The following RAPGEFL1 variants were observed in gnomAD, a reference collection of about 807,000 sequenced individuals.
RAPGEFL1 encodes the protein rap guanine nucleotide exchange factor-like 1.
A neutral mutation model predicts 64.4 loss-of-function variants in RAPGEFL1; 31 were observed. The observed-to-expected ratio is 0.48, with a 90% CI of 0.36 to 0.65. RAPGEFL1 has a LOEUF of 0.65. Among genes scored for constraint, RAPGEFL1 ranks in the 30% least tolerant of loss-of-function variants. The probability of loss-of-function intolerance (pLI) is 0.00; values close to 1 mark genes in which losing one functional copy is unlikely to be tolerated. For missense variants in RAPGEFL1, 682 were observed against 677.4 expected (o/e 1.01, Z -0.08); for synonymous variants, 331 against 274.1 (o/e 1.21, Z -2.05).
chr17:40,191,286 C>T lies in RAPGEFL1; in HGVS notation c.1336-30C>T, dbSNP rs1210074108. The T allele has an allele frequency of 6.6e-7, 1 of 1,526,660 alleles. No homozygotes were observed. The highest frequency in any genetic ancestry group is 2.1e-5 in the Admixed American group (1 of 47,330). 94.6% of individuals were successfully genotyped at this position (1,526,660 alleles called of 1,614,324 possible). On this transcript the variant is annotated intron_variant, in intron 8 of 14. Transcript: ENST00000620260. The surrounding 1 kb of genome is among the most constrained non-coding windows in gnomAD (Gnocchi z 5.1). ...CCCACTCCCCTCACCCCCTGGCGCCCTGGCCGCCCCTCCGCTGCCGTGGGT... is the reference window on the plus strand; with the variant it reads ...CCCACTCCCCTCACCCCCTGGCGCCTTGGCCGCCCCTCCGCTGCCGTGGGT...
In RAPGEFL1 at chr17:40,194,237, G is replaced by C. The variant is rs1258679354; in HGVS notation, c.*449G>C. Reference sequence around the variant, plus strand: ...CCCCAGGAATATTATGTTGCCGTGTGTGTGTGTGTGTGTGTGTGTGTGTGT... The same window carrying C: ...CCCCAGGAATATTATGTTGCCGTGTCTGTGTGTGTGTGTGTGTGTGTGTGT... On this transcript the variant is annotated 3_prime_UTR_variant, in exon 15 of 15. Coordinates refer to ENST00000620260, the MANE Select transcript of RAPGEFL1 (RefSeq NM_016339.6). 1.7e-4 allele frequency: 4 copies of C among 23,906 alleles called. No homozygotes were observed. The highest frequency in any genetic ancestry group is 3.1e-4 in the Non-Finnish European group (4 of 13,090). 1.5% of individuals were successfully genotyped at this position (23,906 alleles called of 1,614,324 possible). A position where few individuals can be genotyped will look rare whatever the true frequency, so the allele number is the denominator to read the frequency against.
Position 40,181,651 on chromosome 17 carries a change from C to T in RAPGEFL1, c.556C>T (p.Leu186Phe), listed in dbSNP as rs969339449. The change falls in exon 2 of 15, where the codon CTC (leucine) becomes TTC (phenylalanine). Residue 186 changes from leucine to phenylalanine, a missense_variant. By Grantham distance (22) the Leu-to-Phe change is conservative. Transcript: ENST00000620260. The stretch of plus-strand genomic sequence containing the variant: ...GGATGACATTGTCCTTACCCATTCT[C>T]TCTTCCTCCCGACGGAGAAATTTCT... ...LLDDIVLTHS[L>F]FLPTEKFLQE... The T allele has an allele frequency of 4.3e-6, 3 of 702,896 alleles. No homozygotes were observed. Among genetic ancestry groups the T allele is most frequent in the Non-Finnish European group, 7.8e-6 (3 of 384,924 alleles). The allele number at this position is 702,896 out of a possible 1,614,324, so 43.5% of individuals were successfully genotyped here.
At position 40,190,648 on chromosome 17, in the gene RAPGEFL1, C is replaced by T; in HGVS notation, c.1221C>T (p.Leu407=). ...TRDSYEALVP[L]PEEIQVSPGD... ...CCCCTGCCTGCCACCAGGTGCCCCTCCCCGAGGAGATCCAGGTCTCCCCTG... is the reference window on the plus strand; with the variant it reads ...CCCCTGCCTGCCACCAGGTGCCCCTTCCCGAGGAGATCCAGGTCTCCCCTG... Residue 407 remains leucine, a synonymous_variant, in exon 8 of 15, where the codon CTC becomes CTT. Coordinates refer to ENST00000620260, the MANE Select transcript of RAPGEFL1 (RefSeq NM_016339.6). 6.2e-7 allele frequency: 1 copy of T among 1,614,112 alleles called. No homozygotes were observed. Among genetic ancestry groups the T allele is most frequent in the Non-Finnish European group, 8.5e-7 (1 of 1,179,970 alleles).
Position 40,184,904 on chromosome 17 carries a change from T to C in RAPGEFL1, c.833+226T>C, listed in dbSNP as rs1014936957. Among the ~76,000 whole-genome samples the C allele has an allele frequency of 2.0e-5, 3 of 152,076 alleles. No individual in the cohort carries two copies. In the East Asian group the frequency reaches 5.8e-4, roughly 29 times the overall value. On this transcript the variant is annotated intron_variant, in intron 4 of 14. Transcript: ENST00000620260. Reference sequence around the variant, plus strand: ...AAGTGATTCTCATGCCTCAGCCTCCTGAGTAGCTGGGATTACAGGGGTGCA... The same window carrying C: ...AAGTGATTCTCATGCCTCAGCCTCCCGAGTAGCTGGGATTACAGGGGTGCA...
chr17:40,190,788 T>TG, intron 8 of RAPGEFL1, 26 bp downstream of exon 8: 2 of 1,612,640 alleles, frequency 1.2e-6, no homozygotes, highest in Non-Finnish European at 1.7e-6. Context: ...GGTGCTATGC[T>TG]GGGGGGCTGG....
intron 4 of RAPGEFL1, among the ~76,000 whole-genome samples, chr17:40,186,360 A>C (rs936031618): frequency 4.7e-5 from 7 of 147,490 alleles, no homozygotes; most frequent in African/African-American, 1.8e-4. Flanking sequence ...TGAGGTCAGG[A>C]GATCGAGACC....
At position 40,189,328 on chromosome 17, in the gene RAPGEFL1, C is replaced by T. The variant is rs1307626928; in HGVS notation, c.1067C>T (p.Ala356Val). The T allele has an allele frequency of 9.9e-6, 16 of 1,614,050 alleles. No individual in the cohort carries two copies. Among genetic ancestry groups the T allele is most frequent in the African/African-American group, 2.7e-5 (2 of 74,918 alleles). ...TEKLQYSEEP[A>V]GREDSLILVA... Reference sequence around the variant, plus strand: ...AAACTTCAATATTCAGAGGAGCCCGCGGGGCGTGAGGATTCCCTCATCCTG... The same window carrying T: ...AAACTTCAATATTCAGAGGAGCCCGTGGGGCGTGAGGATTCCCTCATCCTG... The change falls in exon 6 of 15, where the codon GCG becomes GTG. Residue 356 changes from alanine (A) to valine (V), a missense_variant. By Grantham distance (64) the Ala-to-Val change is moderately conservative (BLOSUM62 0). Around this residue, in one of 2 missense-constraint regions of RAPGEFL1, gnomAD observed 411 missense variants for 519.4 expected, o/e 0.79. Coordinates refer to ENST00000620260, the MANE Select transcript of RAPGEFL1 (RefSeq NM_016339.6).
chr17:40,181,953 C>T (rs1250588890), intron 2 of RAPGEFL1, among the ~76,000 whole-genome samples: 8 of 152,010 alleles, frequency 5.3e-5, no homozygotes, highest in East Asian at 3.9e-4. Context: ...CATGGTGCCA[C>T]GCACCTGTAA....
In RAPGEFL1 at chr17:40,195,135, G is replaced by A. The variant is rs888236193; in HGVS notation, c.*1347G>A. ...AGGGTGTATATATTTTTTACCCAAAGCTCTGGAATTGTACATTTATTTTTT... is the reference window on the plus strand; with the variant it reads ...AGGGTGTATATATTTTTTACCCAAAACTCTGGAATTGTACATTTATTTTTT... On this transcript the variant is annotated 3_prime_UTR_variant, in exon 15 of 15. Transcript: ENST00000620260. 1 of 152,352 alleles carries A rather than the reference G, an allele frequency of 6.6e-6. No homozygotes were observed. Among genetic ancestry groups the A allele is most frequent in the African/African-American group, 2.4e-5 (1 of 41,446 alleles). The allele number at this position is 152,352 out of a possible 1,614,324, so 9.4% of individuals were successfully genotyped here.
intron 4 of RAPGEFL1, among the ~76,000 whole-genome samples, chr17:40,188,233 T>C (rs2314338): frequency 0.29 from 43,649 of 151,882 alleles, 6,507 homozygotes; most frequent in African/African-American, 0.33. Flanking sequence ...CTTCTCTTCC[T>C]GCTTTCCTCC....
At chr17:40,193,492 G>A in intron 14 of RAPGEFL1, 75 bp downstream of exon 14, 1 of 1,583,656 alleles carries the variant, frequency 6.3e-7, no homozygotes, top group Non-Finnish European at 8.7e-7. Flanking sequence ...AGAACTCCCT[G>A]TCCAGATGTG....
rs1374684253 is a variant in RAPGEFL1, at chr17:40,194,772, A to G, written c.*984A>G. 1 of 152,446 alleles carries G rather than the reference A, an allele frequency of 6.6e-6. No homozygotes were observed. The highest frequency in any genetic ancestry group is 6.5e-5 in the Admixed American group (1 of 15,290). The allele number at this position is 152,446 out of a possible 1,614,324, so 9.4% of individuals were successfully genotyped here. On this transcript the variant is annotated 3_prime_UTR_variant, in exon 15 of 15. Transcript: ENST00000620260. ...CCTTCTGGCTCATGTGTCTGACACC[A>G]ACAACATGGTCTCTGTCCCTCTCTC... is the stretch of plus-strand genomic sequence containing the variant.
chr17:40,180,134 A>G (rs1004094628), intron 1 of RAPGEFL1, among the ~76,000 whole-genome samples: 69 of 152,292 alleles, frequency 4.5e-4, no homozygotes, highest in African/African-American at 1.4e-4. Context: ...GATAAAGTCT[A>G]TGAAGGATGT....
In RAPGEFL1 at chr17:40,192,397, G is replaced by A. The variant is rs2145226101; in HGVS notation, c.1656+134G>A. ...GACCCCCCACCCTCCTTACCATGCT[G>A]GAGGGTGAGGTTGGAAGGATTGCGC... On this transcript the variant is annotated intron_variant, in intron 11 of 14. Transcript: ENST00000620260. The A allele has an allele frequency of 2.7e-6, 3 of 1,123,634 alleles. No homozygotes were observed. The East Asian group carries it at 7.1e-5, about 27-fold the overall frequency. The allele number at this position is 1,123,634 out of a possible 1,614,324, so 69.6% of individuals were successfully genotyped here.
Position 40,192,979 on chromosome 17 carries a change from A to G in RAPGEFL1, c.1798A>G (p.Ile600Val). The change falls in exon 13 of 15, where the codon ATC (isoleucine) becomes GTC (valine). Residue 600 changes from isoleucine (I) to valine (V), a missense_variant. Ile to Val is a conservative substitution (Grantham distance 29). Coordinates refer to ENST00000620260, the MANE Select transcript of RAPGEFL1 (RefSeq NM_016339.6). ...GACCCTTGTAGATGGTTTGGTGAAC[A>G]TCGAGAAGCTGGTGAGTGAGTGGCA... ...SKTLVDGLVN[I>V]EKLHSVAEKV... The G allele has an allele frequency of 1.2e-6, 2 of 1,613,966 alleles. No individual in the cohort carries two copies. Among genetic ancestry groups the G allele is most frequent in the Non-Finnish European group, 1.7e-6 (2 of 1,179,810 alleles).
intron 1 of RAPGEFL1, among the ~76,000 whole-genome samples, chr17:40,179,396 C>T (rs1011463278): frequency 2.6e-5 from 4 of 151,744 alleles, no homozygotes; most frequent in South Asian, 2.1e-4. Context: ...GACGGGGTTT[C>T]GGGGTTTCAC....
chr17:40,177,685 A>C lies in RAPGEFL1; in HGVS notation c.-177A>C. 2.4e-6 allele frequency: 1 copy of C among 409,478 alleles called. No individual in the cohort carries two copies. Among genetic ancestry groups the C allele is most frequent in the Non-Finnish European group, 4.2e-6 (1 of 235,848 alleles). The allele number at this position is 409,478 out of a possible 1,614,324, so 25.4% of individuals were successfully genotyped here. A position where few individuals can be genotyped will look rare whatever the true frequency, so the allele number is the denominator to read the frequency against. ...CTTTCCTCTGGCACCTCCCCCGGCTACTGGCCACTGGACTCTGGCCAGCGA... is the reference window on the plus strand; with the variant it reads ...CTTTCCTCTGGCACCTCCCCCGGCTCCTGGCCACTGGACTCTGGCCAGCGA... On this transcript the variant is annotated 5_prime_UTR_variant, in exon 1 of 15. Transcript: ENST00000620260.
Position 40,184,153 on chromosome 17 carries a change from ATCTT to A in RAPGEFL1, c.600-56_600-53del, listed in dbSNP as rs1252106353. 1.2e-5 allele frequency: 15 copies of A among 1,256,728 alleles called. No homozygotes were observed. The African/African-American group carries it at 1.3e-4, about 11-fold the overall frequency. The allele number at this position is 1,256,728 out of a possible 1,614,324, so 77.8% of individuals were successfully genotyped here. A position where few individuals can be genotyped will look rare whatever the true frequency, so the allele number is the denominator to read the frequency against. Reference sequence around the variant, plus strand: ...GCCACTGCGCCCAGCCTAGCCTCCCATCTTTCTTCTCAATTCCTCAGGTCTGCTT... The same window carrying A: ...GCCACTGCGCCCAGCCTAGCCTCCCATCTTCTCAATTCCTCAGGTCTGCTT... On this transcript the variant is annotated intron_variant, in intron 2 of 14. Coordinates refer to ENST00000620260, the MANE Select transcript of RAPGEFL1 (RefSeq NM_016339.6).
chr17:40,189,780 C>T (rs1040595083), intron 6 of RAPGEFL1, among the ~76,000 whole-genome samples: 2 of 152,080 alleles, frequency 1.3e-5, no homozygotes, highest in African/African-American at 4.8e-5. Context: ...CCAGGGGACT[C>T]CTATGCCTAC....
Sources: allele counts gnomAD v4.1 joint callset (sites outside exome capture counted in the v4.1 genomes callset), GRCh38; gene constraint gnomAD v4.1.1; regional missense constraint gnomAD v4.1.1; non-coding constraint Gnocchi (gnomAD v3.1); transcripts MANE v1.5; gene names NCBI Gene and HGNC (gene_info 2026-07-23, HGNC 2026-07-21).